Variants in PRKAG2 observed in about 807,000 individuals in gnomAD.
PRKAG2 encodes 5'-AMP-activated protein kinase subunit gamma-2.
In PRKAG2, 26 loss-of-function variants were observed where a neutral mutation model predicts 69.6. That is an observed-to-expected ratio of 0.37 (90% CI 0.27 to 0.52). PRKAG2 has a LOEUF of 0.52. Among genes scored for constraint, PRKAG2 ranks in the 20% least tolerant of loss-of-function variants. PRKAG2 has a pLI of 0.90. For missense variants in PRKAG2, 557 were observed against 740.0 expected, an observed-to-expected ratio of 0.75 and a Z score of 2.87; for synonymous variants, 293 against 285.0, an observed-to-expected ratio of 1.03 and a Z score of -0.28.
intron 1 of PRKAG2, among the ~76,000 whole-genome samples, chr7:151,865,276 C>T (rs2080035773): frequency 2.6e-5 from 4 of 152,228 alleles, no homozygotes; most frequent in South Asian, 2.1e-4. Flanking sequence ...GGCATGGAGC[C>T]GACTGGGCGA....
chr7:151,557,037 A>T lies in PRKAG2; in HGVS notation c.*164T>A. 1 of 1,193,740 alleles carries T rather than the reference A, an allele frequency of 8.4e-7. No homozygotes were observed. Among genetic ancestry groups the T allele is most frequent in the Non-Finnish European group, 1.2e-6 (1 of 829,110 alleles). The allele number at this position is 1,193,740 out of a possible 1,614,324, so 73.9% of individuals were successfully genotyped here. The stretch of plus-strand genomic sequence containing the variant: ...TGCAAGCCTGAATCTTCAAGCACAT[A>T]AAATCTTTCTTTTTTAAGCTTAATT... On this transcript the variant is annotated 3_prime_UTR_variant, in exon 16 of 16. Transcript: ENST00000287878.
At chr7:151,775,949 G>A (rs549704275) in intron 3 of PRKAG2, among the ~76,000 whole-genome samples, 2 of 152,306 alleles carry the variant, frequency 1.3e-5, no homozygotes, top group African/African-American at 4.8e-5. Context: ...TTTCAAGTAC[G>A]GAGAAAAGCA....
chr7:151,855,040 A>AC (rs1734766049), intron 1 of PRKAG2, among the ~76,000 whole-genome samples: 1 of 70,686 alleles, frequency 1.4e-5, no homozygotes, highest in Non-Finnish European at 2.8e-5. Flanking sequence ...TGCTCCACAC[A>AC]CACCGCCCTC....
intron 3 of PRKAG2, among the ~76,000 whole-genome samples, chr7:151,717,920 G>A (rs1053143892): frequency 4.6e-5 from 7 of 152,170 alleles, no homozygotes; most frequent in Admixed American, 1.3e-4. Context: ...ATCCCTGCAT[G>A]GGTAGGTGCT....
At chr7:151,866,576 C>A (rs892288844) in intron 1 of PRKAG2, among the ~76,000 whole-genome samples, 1 of 152,166 alleles carries the variant, frequency 6.6e-6, no homozygotes, top group South Asian at 2.1e-4. Context: ...TCATCAGCAC[C>A]ATGAATGCAA....
intron 1 of PRKAG2, among the ~76,000 whole-genome samples, chr7:151,860,181 C>G (rs1458483208): frequency 1.3e-5 from 2 of 152,328 alleles, no homozygotes; most frequent in East Asian, 3.9e-4. Context: ...TATGATATGC[C>G]CAGCCACTGC....
At chr7:151,727,067 T>C (rs1798100319) in intron 3 of PRKAG2, among the ~76,000 whole-genome samples, 1 of 151,838 alleles carries the variant, frequency 6.6e-6, no homozygotes, top group African/African-American at 2.4e-5. Context: ...AATACAAAAT[T>C]AGCTGGGCAT....
At chr7:151,722,887 C>T (rs1258560672) in intron 3 of PRKAG2, among the ~76,000 whole-genome samples, 1 of 152,130 alleles carries the variant, frequency 6.6e-6, no homozygotes, top group Non-Finnish European at 1.5e-5. Flanking sequence ...AATCCTCCAG[C>T]TGCTCCCCAT....
intron 6 of PRKAG2, among the ~76,000 whole-genome samples, chr7:151,591,452 G>T (rs1337660398): frequency 6.6e-6 from 1 of 152,194 alleles, no homozygotes; most frequent in African/African-American, 2.4e-5. Context: ...GCCTCTGTGA[G>T]ATATGTGCCG....
intron 3 of PRKAG2, among the ~76,000 whole-genome samples, chr7:151,720,185 A>G (rs1796822210): frequency 6.6e-6 from 1 of 152,150 alleles, no homozygotes; most frequent in African/African-American, 2.4e-5. Flanking sequence ...AAACTCCTCC[A>G]GTGGCTGCAG....
Position 151,853,767 on chromosome 7 carries a change from A to C in PRKAG2, c.114+22740T>G, listed in dbSNP as rs983281991. 1.6e-4 allele frequency among the ~76,000 whole-genome samples: 25 copies of C among 151,940 alleles called. 1 individual carries two copies. Among genetic ancestry groups the C allele is most frequent in the Non-Finnish European group, 3.5e-4 (24 of 67,962 alleles). On this transcript the variant is annotated intron_variant, in intron 1 of 15. Transcript: ENST00000287878. ...ACAGTGAGACTCCGTCTCAAAAAAA[A>C]AAAAAAAAAAAGTCAAATATTGGCT...
intron 1 of PRKAG2, 26 bp downstream of exon 1, chr7:151,876,481 G>A: frequency 6.3e-7 from 1 of 1,588,364 alleles, no homozygotes; most frequent in South Asian, 1.1e-5. Context: ...GGGCTGGGGA[G>A]CAGGGGACCG....
chr7:151,865,596 C>A (rs1031920660), intron 1 of PRKAG2, among the ~76,000 whole-genome samples: 5 of 152,220 alleles, frequency 3.3e-5, no homozygotes, highest in African/African-American at 1.2e-4. Context: ...TGAGAAGAAG[C>A]CCCTAGACAG....
intron 3 of PRKAG2, among the ~76,000 whole-genome samples, chr7:151,684,308 G>A (rs758019348): frequency 5.3e-5 from 8 of 152,096 alleles, no homozygotes; most frequent in Admixed American, 1.3e-4. Flanking sequence ...TGCCCCCAAC[G>A]ATACAGTTTC....
intron 1 of PRKAG2, among the ~76,000 whole-genome samples, chr7:151,876,210 A>G (rs940647274): frequency 6.6e-6 from 1 of 151,736 alleles, no homozygotes; most frequent in African/African-American, 2.4e-5. Context: ...CCGGCTGGAT[A>G]CCGGGCTACG....
At chr7:151,868,896 T>G (rs971521789) in intron 1 of PRKAG2, among the ~76,000 whole-genome samples, 6 of 152,238 alleles carry the variant, frequency 3.9e-5, no homozygotes, top group Non-Finnish European at 5.9e-5. Context: ...TAAGAGCACA[T>G]GTATTTGCCT....
intron 6 of PRKAG2, among the ~76,000 whole-genome samples, chr7:151,577,215 G>A (rs935056706): frequency 1.3e-5 from 2 of 151,824 alleles, no homozygotes; most frequent in African/African-American, 2.4e-5. Context: ...GAAAAAAAAA[G>A]GTATGAAAGA....
At chr7:151,764,492 G>A (rs564525732) in intron 3 of PRKAG2, among the ~76,000 whole-genome samples, 6 of 152,248 alleles carry the variant, frequency 3.9e-5, no homozygotes, top group South Asian at 2.1e-4. Context: ...TGCTACCCCC[G>A]CCCAGTACTT....
chr7:151,747,207 T>TAGGGTG lies in PRKAG2; in HGVS notation c.466+33939_466+33944dup, dbSNP rs1350790287. 4.6e-5 allele frequency among the ~76,000 whole-genome samples: 7 copies of TAGGGTG among 152,252 alleles called. No individual in the cohort carries two copies. In the East Asian group the frequency reaches 1.4e-3, roughly 29 times the overall value. On this transcript the variant is annotated intron_variant, in intron 3 of 15. Transcript: ENST00000287878. ...CTGCTGCTGGATGTGTTGACGCATA[T>TAGGGTG]AGGGTGATCTAGCAAGAACCTGACT...
Sources: gnomAD v4.1 joint callset for allele counts (sites outside exome capture counted in the v4.1 genomes callset) on GRCh38, gnomAD v4.1.1 for gene constraint, MANE v1.5 for transcripts, NCBI Gene and HGNC (gene_info 2026-07-23, HGNC 2026-07-21) for gene names.